FER: variants seen among roughly 807,000 people sequenced by gnomAD.
FER encodes the protein FER tyrosine kinase, also known as tyrosine-protein kinase Fer.
In FER, 63 loss-of-function variants were observed where a neutral mutation model predicts 111.0. The ratio of observed to expected loss-of-function variants is 0.57; its 90% CI spans 0.46 to 0.70. The LOEUF (loss-of-function observed/expected upper bound fraction) is 0.70. Among genes scored for constraint, FER ranks in the 30% least tolerant of loss-of-function variants. The probability of loss-of-function intolerance (pLI) is 0.00; values close to 1 mark genes in which losing one functional copy is unlikely to be tolerated. For missense variants in FER, 914 were observed against 954.0 expected, an observed-to-expected ratio of 0.96 and a Z score of 0.55; for synonymous variants, 327 against 313.9, an observed-to-expected ratio of 1.04 and a Z score of -0.44.
chr5:108,910,789 G>C (rs574070007), intron 10 of FER, among the ~76,000 whole-genome samples: 1 of 151,946 alleles, frequency 6.6e-6, no homozygotes, highest in Admixed American at 6.6e-5. Context: ...ATGGCCTCCA[G>C]CTCCATCTAG....
intron 9 of FER, among the ~76,000 whole-genome samples, chr5:108,895,832 G>A (rs768446907): frequency 1.3e-5 from 2 of 152,134 alleles, no homozygotes; most frequent in Non-Finnish European, 2.9e-5. Context: ...ATAAATAAAT[G>A]TTTTTGAATT....
intron 13 of FER, among the ~76,000 whole-genome samples, chr5:108,984,486 A>G (rs1259499002): frequency 6.6e-6 from 1 of 152,166 alleles, no homozygotes; most frequent in Admixed American, 6.6e-5. Context: ...TGAAAATACT[A>G]TAGAAGAAAA....
At chr5:109,137,003 T>C (rs1224801087) in intron 17 of FER, among the ~76,000 whole-genome samples, 1 of 152,200 alleles carries the variant, frequency 6.6e-6, no homozygotes, top group Non-Finnish European at 1.5e-5. Flanking sequence ...ATACAGGCTA[T>C]ACAACTTGTC....
At chr5:108,989,185 A>G (rs141872782) in intron 13 of FER, among the ~76,000 whole-genome samples, 2,278 of 152,146 alleles carry the variant, frequency 0.015, 44 homozygotes, top group South Asian at 0.026. Context: ...TCAAATGTGT[A>G]AAATCTGGAT....
intron 3 of FER, among the ~76,000 whole-genome samples, chr5:108,803,286 G>T (rs1021757622): frequency 1.3e-5 from 2 of 152,000 alleles, no homozygotes; most frequent in African/African-American, 4.8e-5. Flanking sequence ...TAGGTTGTCT[G>T]TTTACTCTGT....
intron 3 of FER, chr5:108,820,082 T>C (rs1758691442): frequency 2.1e-5 from 21 of 984,356 alleles, no homozygotes; most frequent in Non-Finnish European, 2.5e-5. Flanking sequence ...AAAAAGAAGC[T>C]AAAGAAGAGA....
chr5:108,903,519 G>T (rs538296689), intron 10 of FER, among the ~76,000 whole-genome samples: 1 of 152,220 alleles, frequency 6.6e-6, no homozygotes, highest in Admixed American at 6.5e-5. Flanking sequence ...ACAAAGATTA[G>T]CCAGACATGG....
chr5:109,082,003 G>A (rs577098644), intron 16 of FER, among the ~76,000 whole-genome samples: 1 of 151,912 alleles, frequency 6.6e-6, no homozygotes, highest in Admixed American at 6.6e-5. Context: ...TTGTGTGTCT[G>A]TGTAGCCATT....
At chr5:109,150,551 A>G (rs571448673) in intron 17 of FER, among the ~76,000 whole-genome samples, 22 of 152,340 alleles carry the variant, frequency 1.4e-4, no homozygotes, top group Admixed American at 2.6e-4. Flanking sequence ...AATACAAAAT[A>G]GTAACTTAAC....
chr5:109,159,665 T>A (rs1212317059), intron 17 of FER, among the ~76,000 whole-genome samples: 1 of 152,160 alleles, frequency 6.6e-6, no homozygotes, highest in Non-Finnish European at 1.5e-5. Context: ...TCCTCTTTCA[T>A]AAAATGAGAT....
At chr5:108,780,870 A>G (rs959637053) in intron 2 of FER, among the ~76,000 whole-genome samples, 1 of 148,582 alleles carries the variant, frequency 6.7e-6, no homozygotes, top group South Asian at 2.1e-4. Flanking sequence ...TTAGGTATCT[A>G]TTGGGATATC....
At chr5:109,105,281 T>C (rs979320274) in intron 17 of FER, among the ~76,000 whole-genome samples, 6 of 140,164 alleles carry the variant, frequency 4.3e-5, no homozygotes, top group Admixed American at 3.6e-4. Flanking sequence ...TGTGTGTGTT[T>C]TGAGACTTCA....
rs1759558188 is a variant in FER at position 109,193,987 on chromosome 5, A to G, written c.*6412A>G. The G allele has an allele frequency of 6.6e-6, 1 of 152,186 alleles. No individual in the cohort carries two copies. The highest frequency in any genetic ancestry group is 6.5e-5 in the Admixed American group (1 of 15,268). The allele number at this position is 152,186 out of a possible 1,614,324, so 9.4% of individuals were successfully genotyped here. ...ATCAGGTCACACTTGTTAGATGACT[A>G]ACACTATCAGTAGAAGCTCTTGAGA... On this transcript the variant is annotated 3_prime_UTR_variant, in exon 20 of 20. Transcript: ENST00000281092.
chr5:108,940,783 A>G (rs951764017), intron 10 of FER, among the ~76,000 whole-genome samples: 3 of 152,106 alleles, frequency 2.0e-5, no homozygotes, highest in African/African-American at 7.2e-5. Flanking sequence ...TCCTCAATAC[A>G]TCAGAATGGT....
intron 10 of FER, among the ~76,000 whole-genome samples, chr5:108,902,045 T>C (rs1046966452): frequency 6.6e-5 from 10 of 152,190 alleles, no homozygotes; most frequent in African/African-American, 2.2e-4. Flanking sequence ...TCACTCTACT[T>C]CTCTGAACTT....
intron 17 of FER, among the ~76,000 whole-genome samples, chr5:109,133,041 A>G (rs1329948413): frequency 6.6e-6 from 1 of 152,180 alleles, no homozygotes; most frequent in Non-Finnish European, 1.5e-5. Context: ...AAGTCATTGT[A>G]GAAGATGTTC....
At chr5:109,095,455 A>G (rs1447924342) in intron 16 of FER, among the ~76,000 whole-genome samples, 3 of 152,038 alleles carry the variant, frequency 2.0e-5, no homozygotes, top group African/African-American at 7.2e-5. Context: ...CTCAGCAACT[A>G]GAGCCCTCTC....
intron 17 of FER, among the ~76,000 whole-genome samples, chr5:109,114,824 AT>A (rs1223413696): frequency 6.6e-6 from 1 of 151,986 alleles, no homozygotes; most frequent in Non-Finnish European, 1.5e-5. Context: ...GATTCAAATC[AT>A]TTCCACTCCC....
At chr5:109,125,640 T>C (rs570366600) in intron 17 of FER, among the ~76,000 whole-genome samples, 1 of 152,354 alleles carries the variant, frequency 6.6e-6, no homozygotes, top group East Asian at 1.9e-4. Flanking sequence ...AACATTTTAA[T>C]CATTCTGTAA....
Sources: allele counts gnomAD v4.1 joint callset (sites outside exome capture counted in the v4.1 genomes callset), GRCh38; gene constraint gnomAD v4.1.1; transcripts MANE v1.5; gene names NCBI Gene and HGNC (gene_info 2026-07-23, HGNC 2026-07-21).